Variants in H3-3A observed in about 807,000 individuals in gnomAD.
The protein encoded by H3-3A is histone H3.3.
For synonymous variants in H3-3A, 49 were observed against 61.4 expected (o/e 0.80, Z 0.95); for missense variants, 7 against 184.0 (o/e 0.04, Z 5.57).
chr1:226,063,039 G>A (rs1196622865), intron 1 of H3-3A, among the ~76,000 whole-genome samples: 3 of 151,966 alleles, frequency 2.0e-5, no homozygotes, highest in Admixed American at 6.5e-5. Flanking sequence ...CCGCGGCGCC[G>A]AGCCTGCTCT....
chr1:226,062,473 C>T (rs1309938846), upstream of H3-3A, among the ~76,000 whole-genome samples: 1 of 149,658 alleles, frequency 6.7e-6, no homozygotes, highest in East Asian at 2.0e-4. Context: ...CCGGCGGCCC[C>T]TCAGCGTGTC....
chr1:226,061,898 G>T (rs770401490), upstream of H3-3A: 1 of 152,358 alleles, frequency 6.6e-6, no homozygotes, highest in Non-Finnish European at 1.5e-5. Flanking sequence ...GGAGGAGAGC[G>T]AGCCCCGTCC....
chr1:226,065,969 G>C (rs1657910281), intron 3 of H3-3A, 160 bp downstream of exon 3: 2 of 655,404 alleles, frequency 3.1e-6, no homozygotes, highest in East Asian at 5.5e-5. Flanking sequence ...AATTGCTCAA[G>C]GTCATACACG....
rs1657791301 is a variant in H3-3A, at chr1:226,063,103, C to T, written c.-24+292C>T. ...TCTTTCTTCGGTGAAATCCCGCCCG[C>T]CGCCCCTTCCCCGGACCCCAAACCT... On this transcript the variant is annotated intron_variant, in intron 1 of 3. Transcript: ENST00000366815. 2.0e-5 allele frequency among the ~76,000 whole-genome samples: 3 copies of T among 151,850 alleles called. No homozygotes were observed. The South Asian group carries it at 6.2e-4, about 32-fold the overall frequency.
chr1:226,063,394 C>T (rs990294496), intron 1 of H3-3A, among the ~76,000 whole-genome samples: 4 of 149,138 alleles, frequency 2.7e-5, no homozygotes, highest in Admixed American at 2.7e-4. Flanking sequence ...TTTGGAGAGG[C>T]GGAAACTTGA....
At chr1:226,070,902 T>TA (rs776420610) in intron 3 of H3-3A, among the ~76,000 whole-genome samples, 1 of 152,236 alleles carries the variant, frequency 6.6e-6, no homozygotes, top group Non-Finnish European at 1.5e-5. Flanking sequence ...TTCACCATGT[T>TA]ATACTACTGG....
rs144209387 is a variant in H3-3A at position 226,069,975 on chromosome 1, TAA to T, written c.283-1375_283-1374del. 6.8e-3 allele frequency among the ~76,000 whole-genome samples: 1,030 copies of T among 152,300 alleles called. 12 individuals carry two copies. Among genetic ancestry groups the T allele is most frequent in the African/African-American group, 0.024 (977 of 41,558 alleles). ...ACGCCCCTTTTTCCTCTTCACAAGT[TAA>T]GTGTCAATGAGTGATTCATACACTG... On this transcript the variant is annotated intron_variant, in intron 3 of 3. Coordinates refer to ENST00000366815, the MANE Select transcript of H3-3A (RefSeq NM_002107.7).
chr1:226,068,424 A>G (rs1473214673), intron 3 of H3-3A, among the ~76,000 whole-genome samples: 2 of 152,200 alleles, frequency 1.3e-5, no homozygotes, highest in Non-Finnish European at 2.9e-5. Context: ...AGTAGCTTGT[A>G]CCACATTTTA....
At chr1:226,065,870 C>A (rs751968707) in intron 3 of H3-3A, 61 bp downstream of exon 3, 1 of 1,234,912 alleles carries the variant, frequency 8.1e-7, no homozygotes, top group Non-Finnish European at 1.2e-6. Flanking sequence ...AGAACAGTTC[C>A]AAATTGTTGC....
chr1:226,065,573 T>C, intron 2 of H3-3A, 83 bp from the exon 3 acceptor site: 2 of 970,278 alleles, frequency 2.1e-6, no homozygotes, highest in Middle Eastern at 2.6e-4. Flanking sequence ...TTTGAAAGAT[T>C]ACTGCATTTC....
intron 3 of H3-3A, among the ~76,000 whole-genome samples, chr1:226,069,913 A>C (rs907206936): frequency 6.6e-6 from 1 of 152,260 alleles, no homozygotes; most frequent in Non-Finnish European, 1.5e-5. Context: ...CTATAAGTAT[A>C]CTAAGAATTT....
At chr1:226,067,372 GA>G (rs1339253098) in intron 3 of H3-3A, 1 of 152,106 alleles carries the variant, frequency 6.6e-6, no homozygotes, top group African/African-American at 2.4e-5. Context: ...CTCTTTATTG[GA>G]AAGAGTGATC....
At chr1:226,070,123 G>A (rs150322178) in intron 3 of H3-3A, among the ~76,000 whole-genome samples, 13 of 152,274 alleles carry the variant, frequency 8.5e-5, no homozygotes, top group East Asian at 5.8e-4. Flanking sequence ...ATTGGGGTAC[G>A]TAGAGGAAGG....
upstream of H3-3A, chr1:226,062,621 CG>C: frequency 8.2e-6 from 1 of 121,490 alleles, no homozygotes; most frequent in East Asian, 2.2e-4. Context: ...GCTATGGGGG[CG>C]GGGCCGAGCC....
intron 3 of H3-3A, 177 bp downstream of exon 3, chr1:226,065,986 ATGGCAAAACCATAATT>A: frequency 1.6e-6 from 1 of 624,914 alleles, no homozygotes; most frequent in South Asian, 1.9e-5. Flanking sequence ...CACGTAGAAA[ATGGCAAAACCATAATT>A]TGAACCTATT....
At chr1:226,069,396 C>T (rs887391483) in intron 3 of H3-3A, among the ~76,000 whole-genome samples, 1 of 152,056 alleles carries the variant, frequency 6.6e-6, no homozygotes, top group Non-Finnish European at 1.5e-5. Context: ...AGACTGTTTT[C>T]TCCCTTAATA....
intron 2 of H3-3A, among the ~76,000 whole-genome samples, chr1:226,065,145 A>C (rs912123086): frequency 1.3e-5 from 2 of 152,238 alleles, no homozygotes; most frequent in African/African-American, 2.4e-5. Flanking sequence ...AACACTGCAC[A>C]ATCGGGTGTA....
In H3-3A at chr1:226,063,637, C is replaced by T. The variant is rs56268212; in HGVS notation, c.-23-692C>T. Among the ~76,000 whole-genome samples the T allele has an allele frequency of 8.2e-3, 1,242 of 152,140 alleles. 7 individuals carry two copies. Among genetic ancestry groups the T allele is most frequent in the Non-Finnish European group, 0.014 (933 of 68,010 alleles). ...GCCGAGGGACCCGAAGGAGGCAAAA[C>T]CAAAAGTTTATGTGGTGCTTGGGGT... is the stretch of plus-strand genomic sequence containing the variant. On this transcript the variant is annotated intron_variant, in intron 1 of 3. Coordinates refer to ENST00000366815, the MANE Select transcript of H3-3A (RefSeq NM_002107.7).
intron 3 of H3-3A, chr1:226,067,046 CTTAT>C (rs1223752590): frequency 1.3e-5 from 2 of 152,134 alleles, no homozygotes; most frequent in African/African-American, 4.8e-5. Flanking sequence ...ATCTTCAGTT[CTTAT>C]TTATTACTAA....
Sources: allele counts gnomAD v4.1 joint callset (sites outside exome capture counted in the v4.1 genomes callset), GRCh38; gene constraint gnomAD v4.1.1; transcripts MANE v1.5; gene names NCBI Gene and HGNC (gene_info 2026-07-23, HGNC 2026-07-21).